The following HYDIN variants were observed in gnomAD, a reference collection of about 807,000 sequenced individuals.
The protein encoded by HYDIN is HYDIN axonemal central pair apparatus protein.
A neutral mutation model predicts 403.9 loss-of-function variants in HYDIN; 132 were observed. The observed-to-expected ratio is 0.33, with a 90% CI of 0.28 to 0.38. HYDIN has a LOEUF of 0.38. Ranked by LOEUF, HYDIN falls within the 10% of genes least tolerant of loss-of-function variation. The probability of loss-of-function intolerance (pLI) is 1.00; values close to 1 mark genes in which losing one functional copy is unlikely to be tolerated. For synonymous variants in HYDIN, 1,202 were observed against 1,891.7 expected (o/e 0.64, Z 9.46); for missense variants, 2,827 against 5,009.5 (o/e 0.56, Z 13.15).
intron 73 of HYDIN, among the ~76,000 whole-genome samples, chr16:70,854,536 T>C (rs1031588086): frequency 6.6e-6 from 1 of 151,822 alleles, no homozygotes; most frequent in Admixed American, 6.6e-5. Context: ...TGCCTCAGTC[T>C]CTCGAGTAGC....
intron 66 of HYDIN, among the ~76,000 whole-genome samples, chr16:70,867,071 G>C (rs1292065742): frequency 6.8e-6 from 1 of 146,282 alleles, no homozygotes; most frequent in African/African-American, 2.5e-5. Context: ...ATTTGGTAAG[G>C]ATATTTGCAG....
At chr16:71,138,734 T>C (rs926808983) in intron 7 of HYDIN, among the ~76,000 whole-genome samples, 1 of 152,112 alleles carries the variant, frequency 6.6e-6, no homozygotes, top group Non-Finnish European at 1.5e-5. Context: ...TTTTCATAAA[T>C]TAATTGGCTT....
intron 58 of HYDIN, among the ~76,000 whole-genome samples, chr16:70,886,108 C>G (rs1245212036): frequency 6.6e-6 from 1 of 150,888 alleles, no homozygotes; most frequent in Non-Finnish European, 1.5e-5. Context: ...TTTCTGCTAT[C>G]TGCAGCCAAA....
intron 7 of HYDIN, among the ~76,000 whole-genome samples, chr16:71,145,403 C>T (rs935568973): frequency 2.0e-5 from 3 of 152,092 alleles, no homozygotes; most frequent in Middle Eastern, 3.2e-3. Flanking sequence ...TACAGGCACA[C>T]GCCATCACAC....
intron 18 of HYDIN, among the ~76,000 whole-genome samples, chr16:71,034,129 G>A (rs1314176143): frequency 1.3e-5 from 2 of 151,862 alleles, no homozygotes; most frequent in Non-Finnish European, 1.5e-5. Context: ...CCAAAGTAAC[G>A]CATACAGTAG....
At chr16:71,216,160 G>A (rs983529622) in intron 1 of HYDIN, among the ~76,000 whole-genome samples, 3 of 152,186 alleles carry the variant, frequency 2.0e-5, no homozygotes, top group Non-Finnish European at 2.9e-5. Flanking sequence ...ACAGAGATAT[G>A]AGTAAGACTG....
chr16:71,195,556 C>A (rs1469385658), intron 1 of HYDIN, among the ~76,000 whole-genome samples: 1 of 152,142 alleles, frequency 6.6e-6, no homozygotes, highest in Non-Finnish European at 1.5e-5. Context: ...TTAATTTTCA[C>A]TTTTTAATCC....
In HYDIN at chr16:70,938,743, T is replaced by G; in HGVS notation, c.6866A>C (p.Lys2289Thr). 8 of 1,614,150 alleles carry G rather than the reference T, an allele frequency of 5.0e-6. No individual in the cohort carries two copies. Among genetic ancestry groups the G allele is most frequent in the Non-Finnish European group, 6.8e-6 (8 of 1,180,032 alleles). ...CTCCTTCTCTTTCTCAAGAGCTCCC[T>G]TGTGCTTGCGTTCTGTGAGGGGAAC... ...AKKEQEERKHKGALEKEKERL... is the reference protein window; with the variant it reads ...AKKEQEERKHTGALEKEKERL... The change falls in exon 44 of 86, where the codon AAG becomes ACG. Residue 2289 changes from lysine to threonine, a missense_variant. Coordinates refer to ENST00000393567, the MANE Select transcript of HYDIN (RefSeq NM_001270974.2).
rs368434360 is a variant in HYDIN, at chr16:71,077,330, G to C, written c.1738+2555C>G. The stretch of plus-strand genomic sequence containing the variant: ...ATTAACCAATTATCTTCTTCCTGTA[G>C]TGTCTGCACATTTATTGTTAGGTTA... On this transcript the variant is annotated intron_variant, in intron 13 of 85. Transcript: ENST00000393567. Among the ~76,000 whole-genome samples the C allele has an allele frequency of 2.3e-3, 351 of 151,102 alleles. 5 individuals are homozygous for C. Among genetic ancestry groups the C allele is most frequent in the African/African-American group, 7.9e-3 (325 of 41,312 alleles).
At position 70,920,809 on chromosome 16, in the gene HYDIN, T is replaced by C. The variant is rs2076972429; in HGVS notation, c.7567A>G (p.Lys2523Glu). 3.2e-6 allele frequency: 5 copies of C among 1,564,712 alleles called. No homozygotes were observed. Among genetic ancestry groups the C allele is most frequent in the East Asian group, 2.4e-5 (1 of 41,848 alleles). ...GCCTTCTCCCTCTCCAGGCGCTCCT[T>C]CTCCGTGCGCTCCTTCTCCAGGCGC... ...RERLEKERTE[K>E]ERLEREKAER... The change falls in exon 46 of 86, where the codon AAG (lysine) becomes GAG (glutamate). Residue 2523 changes from lysine to glutamate, a missense_variant. Physicochemically the swap from Lys to Glu is moderately conservative, Grantham distance 56. Coordinates refer to ENST00000393567, the MANE Select transcript of HYDIN (RefSeq NM_001270974.2).
chr16:71,042,100 C>T (rs1264343389), intron 18 of HYDIN, among the ~76,000 whole-genome samples: 1 of 150,640 alleles, frequency 6.6e-6, no homozygotes, highest in Admixed American at 6.6e-5. Context: ...TATTTGCATA[C>T]GTTGTTTCTT....
rs1241121407 is a variant in HYDIN, at chr16:70,805,096, C to CTA, written c.*2482_*2483dup. Reference sequence around the variant, plus strand: ...GACCAATTGCTTCCCTTCTCCTAACCTATACCTCTGGTGAATAGGTGGAAG... The same window carrying CTA: ...GACCAATTGCTTCCCTTCTCCTAACCTATATACCTCTGGTGAATAGGTGGAAG... On this transcript the variant is annotated 3_prime_UTR_variant, in exon 86 of 86. Coordinates refer to ENST00000393567, the MANE Select transcript of HYDIN (RefSeq NM_001270974.2). 6.6e-6 allele frequency among the ~76,000 whole-genome samples: 1 copy of CTA among 152,208 alleles called. No individual in the cohort carries two copies. Among genetic ancestry groups the CTA allele is most frequent in the Non-Finnish European group, 1.5e-5 (1 of 68,026 alleles).
rs199882821 is a variant in HYDIN, at chr16:70,941,759, C to A, written c.6730G>T (p.Ala2244Ser). The A allele has an allele frequency of 6.2e-4, 991 of 1,592,428 alleles. 15 individuals are homozygous for A. The highest frequency in any genetic ancestry group is 1.7e-4 in the Middle Eastern group (1 of 6,022). The change falls in exon 43 of 86, where the codon GCT becomes TCT. Residue 2244 changes from alanine (A) to serine (S), a missense_variant. By Grantham distance (99) the Ala-to-Ser change is moderately conservative. Transcript: ENST00000393567. ...DGLDTLFAQN[A>S]AAALLCLLKA... is the part of the protein sequence containing the mutation. ...AGCAGGCAGAGGAGGGCGGCTGCAGCATTCTGAGCAAAGAGAGTGTCGAGG... is the reference window on the plus strand; with the variant it reads ...AGCAGGCAGAGGAGGGCGGCTGCAGAATTCTGAGCAAAGAGAGTGTCGAGG...
At chr16:71,215,272 G>A (rs1381416456) in intron 1 of HYDIN, among the ~76,000 whole-genome samples, 1 of 151,950 alleles carries the variant, frequency 6.6e-6, no homozygotes, top group African/African-American at 2.4e-5. Flanking sequence ...GAGGAAGGAG[G>A]GGGAAGGAAG....
At chr16:70,809,060 G>C (rs1399724977) in intron 85 of HYDIN, among the ~76,000 whole-genome samples, 1 of 152,132 alleles carries the variant, frequency 6.6e-6, no homozygotes, top group Non-Finnish European at 1.5e-5. Context: ...TGTTATTTGT[G>C]GTTTCTGTTT....
rs1416648652 is a variant in HYDIN at position 71,137,329 on chromosome 16, A to C, written c.865T>G (p.Tyr289Asp). Residue 289 changes from tyrosine to aspartate, a missense_variant, in exon 8 of 86, where the codon TAT (tyrosine) becomes GAT (aspartate). Coordinates refer to ENST00000393567, the MANE Select transcript of HYDIN (RefSeq NM_001270974.2). ...ATATTCATGTCTATGGCAGCTCCAT[A>C]GAGAGATACAAACACCTTTTCACCT... Reference protein sequence around the residue: ...DTGEKVFVSLYGAAIDMNIRL... With the variant: ...DTGEKVFVSLDGAAIDMNIRL... 1.6e-6 allele frequency: 1 copy of C among 613,928 alleles called. No homozygotes were observed. The highest frequency in any genetic ancestry group is 2.9e-5 in the Admixed American group (1 of 33,990). The allele number at this position is 613,928 out of a possible 1,614,324, so 38.0% of individuals were successfully genotyped here.
At chr16:70,904,786 G>A (rs2076489372) in intron 50 of HYDIN, among the ~76,000 whole-genome samples, 1 of 151,376 alleles carries the variant, frequency 6.6e-6, no homozygotes, top group African/African-American at 2.4e-5. Flanking sequence ...ACAGGCATGA[G>A]CCACCGTGCC....
chr16:71,081,864 T>C (rs2082795490), intron 12 of HYDIN, among the ~76,000 whole-genome samples: 1 of 147,584 alleles, frequency 6.8e-6, no homozygotes, highest in Non-Finnish European at 1.5e-5. Flanking sequence ...ATCTGTGCTA[T>C]GGTTCAAACT....
chr16:71,154,238 C>T (rs2085662336), intron 6 of HYDIN, among the ~76,000 whole-genome samples: 1 of 151,372 alleles, frequency 6.6e-6, no homozygotes, highest in Non-Finnish European at 1.5e-5. Context: ...TACTTGATCT[C>T]CTCTCTTTTC....
Sources: gnomAD v4.1 joint callset for allele counts (sites outside exome capture counted in the v4.1 genomes callset) on GRCh38, gnomAD v4.1.1 for gene constraint, MANE v1.5 for transcripts, NCBI Gene and HGNC (gene_info 2026-07-23, HGNC 2026-07-21) for gene names.